The following ABLIM2 variants were observed in gnomAD, a reference collection of about 807,000 sequenced individuals.
ABLIM2 encodes the protein actin-binding LIM protein 2.
In ABLIM2, 53 loss-of-function variants were observed where a neutral mutation model predicts 97.7. That is an observed-to-expected ratio of 0.54 (90% confidence interval 0.44 to 0.68). The LOEUF (loss-of-function observed/expected upper bound fraction) is 0.68, where lower values mean the gene tolerates loss of function less well. ABLIM2 is among the 30% of genes least tolerant of loss of function. The pLI is 0.00. For synonymous variants in ABLIM2, 361 were observed against 345.8 expected (o/e 1.04, Z -0.49); for missense variants, 835 against 867.2 (o/e 0.96, Z 0.47).
In ABLIM2 at chr4:8,156,545, A is replaced by G. The variant is rs569130079; in HGVS notation, c.10+2135T>C. Among the ~76,000 whole-genome samples the G allele has an allele frequency of 1.6e-4, 25 of 152,366 alleles. No individual in the cohort carries two copies. The South Asian group carries it at 3.9e-3, about 24-fold the overall frequency. The stretch of plus-strand genomic sequence containing the variant: ...GGTCATCCTGGAGGTGCCCTGTGTC[A>G]GGAACTGAAGACATGGACACAGCCC... On this transcript the variant is annotated intron_variant, in intron 1 of 20. Transcript: ENST00000447017.
intron 3 of ABLIM2, among the ~76,000 whole-genome samples, chr4:8,092,301 T>C (rs192438544): frequency 3.2e-4 from 48 of 152,150 alleles, no homozygotes; most frequent in South Asian, 2.5e-3. Flanking sequence ...CCTGGCCCAT[T>C]TGTATATGTT....
intron 17 of ABLIM2, among the ~76,000 whole-genome samples, chr4:7,988,060 G>C (rs1745818111): frequency 1.3e-5 from 2 of 152,202 alleles, no homozygotes; most frequent in African/African-American, 4.8e-5. Flanking sequence ...GTCTCGCTCT[G>C]TCACCCAGGC....
chr4:8,140,726 C>T lies in ABLIM2; in HGVS notation c.10+17954G>A, dbSNP rs1850849831. Among the ~76,000 whole-genome samples, 1 of 151,950 alleles carries T rather than the reference C, an allele frequency of 6.6e-6. No individual in the cohort carries two copies. The highest frequency in any genetic ancestry group is 1.5e-5 in the Non-Finnish European group (1 of 68,006). ...GGGCCTCCTGAAGGTCCCACGGAGG[C>T]CAGCAGAGAGTAGCACCCAGACACA... is the stretch of plus-strand genomic sequence containing the variant. On this transcript the variant is annotated intron_variant, in intron 1 of 20. Transcript: ENST00000447017. The surrounding 1 kb of genome is among the most constrained non-coding windows in gnomAD (Gnocchi z 5.9).
intron 5 of ABLIM2, among the ~76,000 whole-genome samples, 197 bp downstream of exon 5, chr4:8,080,478 AG>A (rs1819073720): frequency 6.6e-6 from 1 of 152,126 alleles, no homozygotes; most frequent in Admixed American, 6.5e-5. Context: ...TGGCCAGGGA[AG>A]GGGGACATAA....
At chr4:8,042,326 G>T (rs182904495) in intron 9 of ABLIM2, among the ~76,000 whole-genome samples, 44 of 152,258 alleles carry the variant, frequency 2.9e-4, no homozygotes, top group African/African-American at 1.1e-3. Flanking sequence ...CTCATTCTGT[G>T]CACAACCTGG....
chr4:8,090,543 C>T (rs1320375799), intron 3 of ABLIM2, among the ~76,000 whole-genome samples: 2 of 152,120 alleles, frequency 1.3e-5, no homozygotes, highest in Admixed American at 1.3e-4. Flanking sequence ...ATAACTGCCA[C>T]CACCACAGTC....
At chr4:8,027,035 C>T (rs994536588) in intron 12 of ABLIM2, among the ~76,000 whole-genome samples, 7 of 152,044 alleles carry the variant, frequency 4.6e-5, no homozygotes, top group Admixed American at 1.3e-4. Context: ...CGAGCTTTGG[C>T]GTCTCTTCTC....
At chr4:8,131,959 AGCAGCCCGCATCCCCTGCACG>A (rs1206232045) in intron 1 of ABLIM2, among the ~76,000 whole-genome samples, 25 of 139,892 alleles carry the variant, frequency 1.8e-4, no homozygotes, top group Non-Finnish European at 2.3e-4. Flanking sequence ...CCCTGAGCAC[AGCAGCCCGCATCCCCTGCACG>A]GCAGCCCGCA....
In ABLIM2 at chr4:8,132,677, C is replaced by G. The variant is rs1849601507; in HGVS notation, c.10+26003G>C. On this transcript the variant is annotated intron_variant, in intron 1 of 20. Transcript: ENST00000447017. This position sits in a 1 kb window ranked among gnomAD's most constrained non-coding sequence, Gnocchi z 8.0. ...GCACGGCCCCTACCCCGCTGTCTTC[C>G]CTCGGGTGACTCAGTCCTGGGCCTG... Among the ~76,000 whole-genome samples the G allele has an allele frequency of 6.6e-6, 1 of 152,226 alleles. No individual in the cohort carries two copies. Among genetic ancestry groups the G allele is most frequent in the African/African-American group, 2.4e-5 (1 of 41,452 alleles).
chr4:8,046,091 T>G lies in ABLIM2; in HGVS notation c.823-850A>C, dbSNP rs577588508. Among the ~76,000 whole-genome samples the G allele has an allele frequency of 1.4e-4, 21 of 152,260 alleles. No individual in the cohort carries two copies. The highest frequency in any genetic ancestry group is 5.1e-4 in the African/African-American group (21 of 41,540). On this transcript the variant is annotated intron_variant, in intron 8 of 20. Transcript: ENST00000447017. This position sits in a 1 kb window ranked among gnomAD's most constrained non-coding sequence, Gnocchi z 4.4. The stretch of plus-strand genomic sequence containing the variant: ...TCTCCCAACTGCACCTGTGGGCTTG[T>G]CCTGGCCTTTTTGCTGCTGTCACGC...
chr4:8,035,767 C>G (rs1258591365), intron 10 of ABLIM2, among the ~76,000 whole-genome samples: 1 of 152,176 alleles, frequency 6.6e-6, no homozygotes, highest in Non-Finnish European at 1.5e-5. Context: ...GAGGGTGGCA[C>G]GGGCCAAGAG....
In ABLIM2 at chr4:8,061,691, C is replaced by T. The variant is rs1483459203; in HGVS notation, c.676-637G>A. ...AATCACCCCGAAATGCTCCCTTTACCCCCACGTTCCAGCACACACTTCCTA... is the reference window on the plus strand; with the variant it reads ...AATCACCCCGAAATGCTCCCTTTACTCCCACGTTCCAGCACACACTTCCTA... On this transcript the variant is annotated intron_variant, in intron 6 of 20. Transcript: ENST00000447017. The surrounding 1 kb of genome is among the most constrained non-coding windows in gnomAD (Gnocchi z 4.5). 2.0e-5 allele frequency among the ~76,000 whole-genome samples: 3 copies of T among 151,978 alleles called. No homozygotes were observed. The East Asian group carries it at 5.8e-4, about 29-fold the overall frequency.
chr4:7,975,339 G>A (rs1248601178), intron 20 of ABLIM2, among the ~76,000 whole-genome samples: 2 of 152,174 alleles, frequency 1.3e-5, no homozygotes, highest in Admixed American at 6.5e-5. Flanking sequence ...GCTGAACCCC[G>A]CTCTGCATGT....
At chr4:8,107,615 G>C (rs1046132574) in intron 1 of ABLIM2, among the ~76,000 whole-genome samples, 12 of 152,114 alleles carry the variant, frequency 7.9e-5, no homozygotes, top group African/African-American at 2.9e-4. Flanking sequence ...ATCAGCGTGG[G>C]GACTGAAGGC....
intron 8 of ABLIM2, among the ~76,000 whole-genome samples, chr4:8,052,458 G>C (rs571510567): frequency 5.3e-5 from 8 of 152,246 alleles, no homozygotes; most frequent in Non-Finnish European, 2.9e-5. Context: ...AATTCACAAT[G>C]TGCCAGCTAG....
At chr4:8,115,760 C>T (rs912466186) in intron 1 of ABLIM2, among the ~76,000 whole-genome samples, 2 of 152,214 alleles carry the variant, frequency 1.3e-5, no homozygotes, top group Admixed American at 1.3e-4. Flanking sequence ...AGCCCCTCAC[C>T]TTGAACCTGG....
At position 8,001,862 on chromosome 4, in the gene ABLIM2, T is replaced by A. The variant is rs1301520673; in HGVS notation, c.1618+6197A>T. On this transcript the variant is annotated intron_variant, in intron 16 of 20. Transcript: ENST00000447017. The surrounding 1 kb of genome is among the most constrained non-coding windows in gnomAD (Gnocchi z 4.2). ...TGGGCGCTCCTCCCCACTTCCTCTGTGGAATCTCCTGCCCCCCGATGGCAC... is the reference window on the plus strand; with the variant it reads ...TGGGCGCTCCTCCCCACTTCCTCTGAGGAATCTCCTGCCCCCCGATGGCAC... 2.6e-5 allele frequency among the ~76,000 whole-genome samples: 4 copies of A among 152,174 alleles called. No homozygotes were observed. Among genetic ancestry groups the A allele is most frequent in the African/African-American group, 9.7e-5 (4 of 41,450 alleles).
At chr4:8,025,506 G>A (rs910257954) in intron 12 of ABLIM2, among the ~76,000 whole-genome samples, 3 of 152,188 alleles carry the variant, frequency 2.0e-5, no homozygotes, top group African/African-American at 7.2e-5. Context: ...AGGGGAGAGG[G>A]CTGCCAGTCC....
At chr4:7,985,784 G>T (rs1560426073) in intron 17 of ABLIM2, among the ~76,000 whole-genome samples, 1 of 152,220 alleles carries the variant, frequency 6.6e-6, no homozygotes, top group Non-Finnish European at 1.5e-5. Flanking sequence ...GCATTCATCA[G>T]CAAACTCTGC....
Sources: allele counts gnomAD v4.1 joint callset (sites outside exome capture counted in the v4.1 genomes callset), GRCh38; gene constraint gnomAD v4.1.1; non-coding constraint Gnocchi (gnomAD v3.1); transcripts MANE v1.5; gene names NCBI Gene and HGNC (gene_info 2026-07-23, HGNC 2026-07-21).